ABHD2: variants seen among roughly 807,000 people sequenced by gnomAD.
ABHD2 encodes the protein abhydrolase domain containing 2, acylglycerol lipase, also known as monoacylglycerol lipase ABHD2.
Under a neutral mutation model 48.1 loss-of-function variants are expected in ABHD2, and 20 were observed. That is an observed-to-expected ratio of 0.42 (90% confidence interval 0.29 to 0.60). ABHD2 has a LOEUF of 0.60. Ranked by LOEUF, ABHD2 falls within the 20% of genes least tolerant of loss-of-function variation. ABHD2 has a pLI of 0.24. For missense variants in ABHD2, 405 were observed against 550.9 expected, an observed-to-expected ratio of 0.74 and a Z score of 2.65; for synonymous variants, 209 against 214.2, an observed-to-expected ratio of 0.98 and a Z score of 0.21.
At chr15:89,127,603 T>C (rs1253945812) in intron 3 of ABHD2, among the ~76,000 whole-genome samples, 1 of 151,432 alleles carries the variant, frequency 6.6e-6, no homozygotes, top group Non-Finnish European at 1.5e-5. Flanking sequence ...ACTCCATAAA[T>C]GCTTTTTAAA....
chr15:89,161,787 C>A (rs190381573), intron 5 of ABHD2, among the ~76,000 whole-genome samples: 20 of 152,196 alleles, frequency 1.3e-4, no homozygotes, highest in Non-Finnish European at 2.9e-4. Context: ...GATACACAGG[C>A]TCTTTGTAAA....
intron 6 of ABHD2, among the ~76,000 whole-genome samples, chr15:89,178,135 T>C (rs2051047003): frequency 6.6e-6 from 1 of 152,218 alleles, no homozygotes; most frequent in Non-Finnish European, 1.5e-5. Context: ...AAGAGCAAGT[T>C]GCAACTTTAT....
rs772771831 is a variant in ABHD2 at position 89,116,415 on chromosome 15, G to A, written c.88G>A (p.Val30Ile). The A allele has an allele frequency of 8.7e-6, 14 of 1,614,082 alleles. No homozygotes were observed. Among genetic ancestry groups the A allele is most frequent in the East Asian group, 2.2e-5 (1 of 44,900 alleles). Residue 30 changes from valine (V) to isoleucine (I), a missense_variant, in exon 3 of 11, where the codon GTC becomes ATC. Physicochemically the swap from Val to Ile is conservative, Grantham distance 29 (BLOSUM62 3). Coordinates refer to ENST00000352732, the MANE Select transcript of ABHD2 (RefSeq NM_152924.5). This position sits in a 1 kb window ranked among gnomAD's most constrained non-coding sequence, Gnocchi z 4.6. ...AAVAAVLYVIVRCLNLKSPTA... is the reference protein window; with the variant it reads ...AAVAAVLYVIIRCLNLKSPTA... ...AGTGGCTGCTGTGCTGTACGTGATC[G>A]TCCGGTGTTTGAACCTGAAGAGCCC...
chr15:89,108,454 G>A (rs1156728988), intron 1 of ABHD2, among the ~76,000 whole-genome samples: 2 of 152,140 alleles, frequency 1.3e-5, no homozygotes, highest in Admixed American at 6.5e-5. Context: ...CAACGAGTAC[G>A]ACCCCATCTT....
chr15:89,088,827 A>G lies in ABHD2; in HGVS notation c.-107+264A>G, dbSNP rs1455950292. On this transcript the variant is annotated intron_variant, in intron 1 of 10. Coordinates refer to ENST00000352732, the MANE Select transcript of ABHD2 (RefSeq NM_152924.5). The surrounding 1 kb of genome is among the most constrained non-coding windows in gnomAD (Gnocchi z 6.8). ...GCCCGAGGAACCGAGGTTGGGGACA[A>G]CCCCGACCGCGGCCTTTCCCCCATT... Among the ~76,000 whole-genome samples the G allele has an allele frequency of 6.6e-6, 1 of 151,288 alleles. No homozygotes were observed. The highest frequency in any genetic ancestry group is 1.5e-5 in the Non-Finnish European group (1 of 67,818).
chr15:89,082,128 C>T, the ABHD2 span, among the ~76,000 whole-genome samples: 1 of 152,250 alleles, frequency 6.6e-6, no homozygotes, highest in Admixed American at 6.5e-5. This position sits in a 1 kb window ranked among gnomAD's most constrained non-coding sequence, Gnocchi z 4.4. Flanking sequence ...TGTCAAGTGT[C>T]CCCTGAGGGA....
At chr15:89,158,925 A>T (rs2050717739) in intron 5 of ABHD2, among the ~76,000 whole-genome samples, 1 of 151,900 alleles carries the variant, frequency 6.6e-6, no homozygotes, top group East Asian at 2.0e-4. Context: ...CGCCCTCCCA[A>T]AGTGCTGGGA....
chr15:89,109,321 G>A (rs293385), intron 1 of ABHD2, among the ~76,000 whole-genome samples: 73,713 of 151,982 alleles, frequency 0.49, 19,162 homozygotes, highest in African/African-American at 0.66. Flanking sequence ...TTGTTAATGC[G>A]GACTATAAAT....
chr15:89,185,646 G>T lies in ABHD2; in HGVS notation c.815+130G>T. On this transcript the variant is annotated intron_variant, in intron 7 of 10. Coordinates refer to ENST00000352732, the MANE Select transcript of ABHD2 (RefSeq NM_152924.5). This position sits in a 1 kb window ranked among gnomAD's most constrained non-coding sequence, Gnocchi z 5.9. Reference sequence around the variant, plus strand: ...AATGCAGGTGTGGTACAGACTCTCTGCTGCCTGCATTTGTGACTTGATTAG... The same window carrying T: ...AATGCAGGTGTGGTACAGACTCTCTTCTGCCTGCATTTGTGACTTGATTAG... 1 of 808,280 alleles carries T rather than the reference G, an allele frequency of 1.2e-6. No individual in the cohort carries two copies. Among genetic ancestry groups the T allele is most frequent in the Non-Finnish European group, 2.0e-6 (1 of 502,314 alleles). 50.1% of individuals were successfully genotyped at this position (808,280 alleles called of 1,614,324 possible).
chr15:89,079,755 AT>A, the ABHD2 span, among the ~76,000 whole-genome samples: 3 of 152,338 alleles, frequency 2.0e-5, no homozygotes, highest in Admixed American at 2.0e-4. The surrounding 1 kb of genome is among the most constrained non-coding windows in gnomAD (Gnocchi z 4.3). Context: ...AGTCAATAAC[AT>A]TTGTACCACA....
Position 89,176,103 on chromosome 15 carries a change from CT to C in ABHD2, c.722+109del, listed in dbSNP as rs539541463. 1.1e-4 allele frequency: 135 copies of C among 1,228,080 alleles called. No individual in the cohort carries two copies. The African/African-American group carries it at 2.0e-3, about 18-fold the overall frequency. 76.1% of individuals were successfully genotyped at this position (1,228,080 alleles called of 1,614,324 possible). On this transcript the variant is annotated intron_variant, in intron 6 of 10. Coordinates refer to ENST00000352732, the MANE Select transcript of ABHD2 (RefSeq NM_152924.5). The surrounding 1 kb of genome is among the most constrained non-coding windows in gnomAD (Gnocchi z 4.5). ...GAAGACCGGGGAACACTGTGGCCGA[CT>C]GAGTAGAAGTTTCTGAGTCTTGGAC...
At position 89,186,916 on chromosome 15, in the gene ABHD2, C is replaced by T. The variant is rs1470169154; in HGVS notation, c.816-1277C>T. On this transcript the variant is annotated intron_variant, in intron 7 of 10. Transcript: ENST00000352732. This position sits in a 1 kb window ranked among gnomAD's most constrained non-coding sequence, Gnocchi z 4.3. Reference sequence around the variant, plus strand: ...CCCATCAGGCTGCCACGTTGCCAAACATGTCCTTGTGTCCTCGTGTCTGGA... The same window carrying T: ...CCCATCAGGCTGCCACGTTGCCAAATATGTCCTTGTGTCCTCGTGTCTGGA... 1.3e-5 allele frequency among the ~76,000 whole-genome samples: 2 copies of T among 152,222 alleles called. No individual in the cohort carries two copies. Among genetic ancestry groups the T allele is most frequent in the Admixed American group, 1.3e-4 (2 of 15,280 alleles).
chr15:89,201,480 C>T lies in ABHD2; in HGVS notation c.*6057C>T. ...GTTTTGCCTCATTCCACACAGCTTC[C>T]ATATCTGAAGTGTTTAGTGGAGCAA... On this transcript the variant is annotated 3_prime_UTR_variant, in exon 11 of 11. Coordinates refer to ENST00000352732, the MANE Select transcript of ABHD2 (RefSeq NM_152924.5). 3.9e-6 allele frequency: 6 copies of T among 1,542,532 alleles called. No individual in the cohort carries two copies. The Admixed American group carries it at 1.0e-4, about 27-fold the overall frequency.
At chr15:89,054,698 A>G in the ABHD2 span, among the ~76,000 whole-genome samples, 3 of 151,862 alleles carry the variant, frequency 2.0e-5, no homozygotes, top group Non-Finnish European at 2.9e-5. Context: ...AAAAAAGAAA[A>G]AAAAAAGAAA....
At chr15:89,068,018 G>A in the ABHD2 span, among the ~76,000 whole-genome samples, 1 of 152,118 alleles carries the variant, frequency 6.6e-6, no homozygotes, top group African/African-American at 2.4e-5. Context: ...TAGAAGAAGG[G>A]AGAATTTCTT....
chr15:89,187,088 A>T (rs2051223353), intron 7 of ABHD2, among the ~76,000 whole-genome samples: 1 of 152,202 alleles, frequency 6.6e-6, no homozygotes, highest in Non-Finnish European at 1.5e-5. Context: ...GAGATTGCAG[A>T]TGTTTTGTAG....
chr15:89,194,675 C>T (rs2051365777), intron 10 of ABHD2, among the ~76,000 whole-genome samples: 1 of 152,186 alleles, frequency 6.6e-6, no homozygotes, highest in Non-Finnish European at 1.5e-5. Context: ...CCCACCACTA[C>T]CATGGGCATC....
chr15:89,044,177 G>A, the ABHD2 span, among the ~76,000 whole-genome samples: 1 of 152,122 alleles, frequency 6.6e-6, no homozygotes, highest in East Asian at 1.9e-4. Flanking sequence ...TCTTGCGATA[G>A]TTTACTGAGA....
intron 9 of ABHD2, among the ~76,000 whole-genome samples, chr15:89,192,092 G>T (rs1242676533): frequency 6.6e-6 from 1 of 152,118 alleles, no homozygotes; most frequent in Admixed American, 6.6e-5. Flanking sequence ...ACAATTTATT[G>T]CCCTATTTAT....
Sources: allele counts gnomAD v4.1 joint callset (sites outside exome capture counted in the v4.1 genomes callset), GRCh38; gene constraint gnomAD v4.1.1; non-coding constraint Gnocchi (gnomAD v3.1); transcripts MANE v1.5; gene names NCBI Gene and HGNC (gene_info 2026-07-23, HGNC 2026-07-21).